RPA1: variants seen among roughly 807,000 people sequenced by gnomAD.
RPA1 encodes replication protein A 70 kDa DNA-binding subunit.
A neutral mutation model predicts 83.0 loss-of-function variants in RPA1; 49 were observed. The ratio of observed to expected loss-of-function variants is 0.59; its 90% confidence interval spans 0.47 to 0.75. The LOEUF (loss-of-function observed/expected upper bound fraction) is 0.75. RPA1 is among the 30% of genes least tolerant of loss of function. The pLI is 0.00. For missense variants in RPA1, 693 were observed against 776.1 expected, an observed-to-expected ratio of 0.89 and a Z score of 1.27; for synonymous variants, 279 against 281.8, an observed-to-expected ratio of 0.99 and a Z score of 0.10.
intron 16 of RPA1, among the ~76,000 whole-genome samples, chr17:1,896,173 G>A (rs1174297299): frequency 1.3e-5 from 2 of 152,204 alleles, no homozygotes; most frequent in Non-Finnish European, 2.9e-5. Flanking sequence ...TGCCTAAGTT[G>A]TATGCTAGCA....
chr17:1,891,756 C>T, intron 14 of RPA1, 77 bp from the exon 15 acceptor site: 1 of 963,410 alleles, frequency 1.0e-6, no homozygotes, highest in Non-Finnish European at 1.6e-6. Context: ...GGAAAAAGAA[C>T]ATTAACCTCT....
chr17:1,842,250 C>T (rs996839752), intron 1 of RPA1, among the ~76,000 whole-genome samples: 20 of 152,048 alleles, frequency 1.3e-4, no homozygotes, highest in Non-Finnish European at 1.9e-4. Context: ...ATAATTTATG[C>T]AAGTTTTTTT....
intron 15 of RPA1, among the ~76,000 whole-genome samples, chr17:1,893,230 T>C (rs1199224101): frequency 2.0e-5 from 3 of 152,240 alleles, no homozygotes; most frequent in Admixed American, 2.0e-4. Context: ...GTATCAGATT[T>C]TAAGGCCCGA....
At position 1,880,964 on chromosome 17, in the gene RPA1, C is replaced by T. The variant is rs957582597; in HGVS notation, c.1241+273C>T. 2.6e-5 allele frequency among the ~76,000 whole-genome samples: 4 copies of T among 152,218 alleles called. No homozygotes were observed. In the East Asian group the frequency reaches 5.8e-4, roughly 22 times the overall value. On this transcript the variant is annotated intron_variant, in intron 12 of 16. Transcript: ENST00000254719. ...ACCTCGATCCTGCCAAAGGAGGGGA[C>T]GGCCAGGCTTCAGCAGCGGTGTGCT...
At chr17:1,895,936 A>G (rs1914403141) in intron 16 of RPA1, among the ~76,000 whole-genome samples, 1 of 152,036 alleles carries the variant, frequency 6.6e-6, no homozygotes, top group Non-Finnish European at 1.5e-5. Flanking sequence ...CACCCGCCTC[A>G]GCCTCCCAAA....
intron 1 of RPA1, among the ~76,000 whole-genome samples, chr17:1,831,964 A>AGCC (rs1284338768): frequency 5.1e-5 from 3 of 58,830 alleles, no homozygotes; most frequent in Non-Finnish European, 9.7e-5. Context: ...CCCCCCCACT[A>AGCC]CCGCCCCAGG....
chr17:1,883,827 A>G lies in RPA1; in HGVS notation c.1257A>G (p.Gly419=). Reference sequence around the variant, plus strand: ...ACGTTTTCAGGTTTGACGCAGAAGGACAAGCCTTAGATGGTGTTTCCATCT... The same window carrying G: ...ACGTTTTCAGGTTTGACGCAGAAGGGCAAGCCTTAGATGGTGTTTCCATCT... ...YKLRGWFDAE[G]QALDGVSISD... The change falls in exon 13 of 17, where the codon GGA becomes GGG. Residue 419 remains glycine, a synonymous_variant. Transcript: ENST00000254719. The G allele has an allele frequency of 1.2e-6, 2 of 1,614,116 alleles. No individual in the cohort carries two copies. The highest frequency in any genetic ancestry group is 1.7e-6 in the Non-Finnish European group (2 of 1,179,986).
At chr17:1,879,887 GCA>G (rs1913718249) in intron 11 of RPA1, among the ~76,000 whole-genome samples, 188 bp downstream of exon 11, 2 of 146,846 alleles carry the variant, frequency 1.4e-5, no homozygotes, top group African/African-American at 2.5e-5. Flanking sequence ...GGCGGAGGGG[GCA>G]TCTTGTCCTA....
intron 7 of RPA1, among the ~76,000 whole-genome samples, chr17:1,876,998 G>T (rs1017458050): frequency 3.2e-4 from 48 of 152,206 alleles, no homozygotes; most frequent in African/African-American, 1.2e-3. Flanking sequence ...ACAGGAGAAT[G>T]AGTTAGTATT....
At chr17:1,854,767 C>T (rs1328496712) in intron 5 of RPA1, among the ~76,000 whole-genome samples, 3 of 152,138 alleles carry the variant, frequency 2.0e-5, no homozygotes, top group Non-Finnish European at 2.9e-5. Flanking sequence ...ATAGGATTGA[C>T]AAAGGGTTAC....
chr17:1,833,183 C>T (rs1050674570), intron 1 of RPA1, among the ~76,000 whole-genome samples: 1 of 152,210 alleles, frequency 6.6e-6, no homozygotes, highest in Non-Finnish European at 1.5e-5. Flanking sequence ...CCTTGGCCTC[C>T]CAGTATGCTG....
intron 4 of RPA1, among the ~76,000 whole-genome samples, chr17:1,852,563 G>T (rs753558794): frequency 6.6e-6 from 1 of 152,196 alleles, no homozygotes; most frequent in Admixed American, 6.5e-5. Flanking sequence ...GGCAGGCAGC[G>T]GCACGGGAGG....
intron 5 of RPA1, among the ~76,000 whole-genome samples, chr17:1,855,354 TGTGTGTGTG>T (rs1567809432): frequency 3.0e-4 from 45 of 149,120 alleles, no homozygotes; most frequent in South Asian, 2.5e-3. Context: ...TGTGTGTGTG[TGTGTGTGTG>T]TGTTTAGTAG....
In RPA1 at chr17:1,895,052, G is replaced by T; in HGVS notation, c.1703G>T (p.Arg568Leu). The T allele has an allele frequency of 6.2e-7, 1 of 1,613,578 alleles. No individual in the cohort carries two copies. The highest frequency in any genetic ancestry group is 8.5e-7 in the Non-Finnish European group (1 of 1,179,726). Reference protein sequence around the residue: ...FEEVFQNANFRSFIFRVRVKV... With the variant: ...FEEVFQNANFLSFIFRVRVKV... ...GAAGTTTTCCAGAATGCCAACTTCC[G>T]ATCTTTCATATTCAGAGTCAGGGTC... The change falls in exon 16 of 17, where the codon CGA becomes CTA. Residue 568 changes from arginine to leucine, a missense_variant. By Grantham distance (102) the Arg-to-Leu change is moderately radical. Coordinates refer to ENST00000254719, the MANE Select transcript of RPA1 (RefSeq NM_002945.5).
At chr17:1,855,818 A>AT (rs34758675) in intron 5 of RPA1, among the ~76,000 whole-genome samples, 57,459 of 146,752 alleles carry the variant, frequency 0.39, 12,682 homozygotes, top group Non-Finnish European at 0.54. Flanking sequence ...TCTGGGCCTG[A>AT]TTTTTTTTTT....
At chr17:1,843,849 G>C (rs1480206731) in intron 2 of RPA1, 71 bp from the exon 3 acceptor site, 2 of 1,266,998 alleles carry the variant, frequency 1.6e-6, no homozygotes, top group South Asian at 1.2e-5. Flanking sequence ...CCACTCTCCT[G>C]CCACTTCGGT....
intron 1 of RPA1, among the ~76,000 whole-genome samples, chr17:1,834,703 GA>G (rs2151265653): frequency 6.6e-6 from 1 of 152,290 alleles, no homozygotes; most frequent in East Asian, 1.9e-4. Context: ...TTTCTAATGT[GA>G]CAGATGCTTT....
chr17:1,831,897 C>A (rs1261901292), intron 1 of RPA1, among the ~76,000 whole-genome samples: 1 of 118,650 alleles, frequency 8.4e-6, no homozygotes, highest in Non-Finnish European at 1.7e-5. Flanking sequence ...CTGTGCCCGG[C>A]CTTTTTTTTT....
intron 4 of RPA1, among the ~76,000 whole-genome samples, chr17:1,848,688 T>C (rs1049484907): frequency 2.1e-5 from 3 of 146,060 alleles, no homozygotes; most frequent in South Asian, 2.2e-4. Context: ...CTCAGCCTCC[T>C]GGGTAGCTGG....
Sources: gnomAD v4.1 joint callset for allele counts (sites outside exome capture counted in the v4.1 genomes callset) on GRCh38, gnomAD v4.1.1 for gene constraint, MANE v1.5 for transcripts, NCBI Gene and HGNC (gene_info 2026-07-23, HGNC 2026-07-21) for gene names.